Variants in CNOT6L observed in about 807,000 individuals in gnomAD.
CNOT6L encodes the protein CCR4-NOT transcription complex subunit 6-like.
A neutral mutation model predicts 64.0 loss-of-function variants in CNOT6L; 7 were observed. The ratio of observed to expected loss-of-function variants is 0.11; its 90% CI spans 0.06 to 0.21. CNOT6L has a LOEUF of 0.21. CNOT6L is among the 10% of genes least tolerant of loss of function. The probability of loss-of-function intolerance (pLI) is 1.00; values close to 1 mark genes in which losing one functional copy is unlikely to be tolerated. For synonymous variants in CNOT6L, 193 were observed against 243.4 expected (o/e 0.79, Z 1.93); for missense variants, 245 against 669.0 (o/e 0.37, Z 6.99).
intron 1 of CNOT6L, among the ~76,000 whole-genome samples, chr4:77,818,701 G>A (rs1027363861): frequency 2.0e-5 from 3 of 152,150 alleles, no homozygotes; most frequent in South Asian, 4.1e-4. Context: ...GACGGCAATC[G>A]GCGAGTCCCG....
At chr4:77,724,892 C>T (rs913541527) in intron 11 of CNOT6L, among the ~76,000 whole-genome samples, 8 of 151,966 alleles carry the variant, frequency 5.3e-5, no homozygotes, top group Non-Finnish European at 7.4e-5. Flanking sequence ...GTGCTAGAGT[C>T]AGCTAGTGCT....
chr4:77,811,310 G>A lies in CNOT6L; in HGVS notation c.5+7994C>T, dbSNP rs112364111. Among the ~76,000 whole-genome samples, 267 of 152,276 alleles carry A rather than the reference G, an allele frequency of 1.8e-3. 2 individuals carry two copies. Among genetic ancestry groups the A allele is most frequent in the African/African-American group, 5.3e-3 (222 of 41,548 alleles). On this transcript the variant is annotated intron_variant, in intron 1 of 11. Transcript: ENST00000504123. ...CACACCTGTAATCCCAGCACTTTGGGCAGCTGAGGCGGGCAGATCACAAGG... is the reference window on the plus strand; with the variant it reads ...CACACCTGTAATCCCAGCACTTTGGACAGCTGAGGCGGGCAGATCACAAGG...
chr4:77,801,808 G>C (rs1339841746), intron 1 of CNOT6L, among the ~76,000 whole-genome samples: 1 of 151,656 alleles, frequency 6.6e-6, no homozygotes, highest in Non-Finnish European at 1.5e-5. Context: ...AGGACTGCTT[G>C]AAGTCAGGAG....
intron 8 of CNOT6L, chr4:77,731,796 T>C: frequency 3.1e-6 from 1 of 317,828 alleles, no homozygotes; most frequent in South Asian, 1.2e-4. Flanking sequence ...GGAGAAATAA[T>C]AACCATCTTG....
chr4:77,755,437 G>A (rs1191803478), intron 5 of CNOT6L, among the ~76,000 whole-genome samples: 2 of 151,712 alleles, frequency 1.3e-5, no homozygotes, highest in African/African-American at 2.4e-5. Flanking sequence ...AGATTGTCTC[G>A]ATCTCTTGAC....
chr4:77,809,001 T>C (rs929104853), intron 1 of CNOT6L, among the ~76,000 whole-genome samples: 4 of 152,216 alleles, frequency 2.6e-5, no homozygotes, highest in Non-Finnish European at 4.4e-5. Context: ...TATTGTTTTT[T>C]AGTTTGGTTT....
chr4:77,784,793 C>T (rs1729255750), intron 1 of CNOT6L, among the ~76,000 whole-genome samples: 1 of 152,070 alleles, frequency 6.6e-6, no homozygotes, highest in African/African-American at 2.4e-5. Context: ...CTTCTTTCCA[C>T]TTTTTTGATT....
chr4:77,723,672 C>T (rs1473941619), intron 11 of CNOT6L, among the ~76,000 whole-genome samples: 2 of 152,130 alleles, frequency 1.3e-5, no homozygotes, highest in Non-Finnish European at 2.9e-5. Flanking sequence ...TTTATCTTCC[C>T]ATATATTACT....
chr4:77,771,239 G>T (rs1262613859), intron 4 of CNOT6L, among the ~76,000 whole-genome samples: 3 of 152,180 alleles, frequency 2.0e-5, no homozygotes, highest in Non-Finnish European at 2.9e-5. Context: ...CTTGAACCTG[G>T]GAGGCGGAGG....
intron 1 of CNOT6L, among the ~76,000 whole-genome samples, chr4:77,795,021 C>CT (rs35837302): frequency 0.5 from 66,448 of 131,932 alleles, 17,073 homozygotes; most frequent in Non-Finnish European, 0.55. Context: ...AGAAATTTTT[C>CT]TTTTTTTTTT....
upstream of CNOT6L, chr4:77,819,421 A>G: frequency 1.9e-6 from 3 of 1,594,916 alleles, no homozygotes; most frequent in South Asian, 2.2e-5. Context: ...TCCCCTCCAG[A>G]GCCGCGGCCG....
intron 1 of CNOT6L, among the ~76,000 whole-genome samples, chr4:77,786,359 T>A (rs1319562635): frequency 1.3e-5 from 2 of 151,828 alleles, no homozygotes; most frequent in East Asian, 3.9e-4. Flanking sequence ...ACACCTGTAA[T>A]CCCAGCACTT....
chr4:77,768,474 A>AATATATATATATATAT (rs1193284066), intron 4 of CNOT6L, among the ~76,000 whole-genome samples: 53 of 12,948 alleles, frequency 4.1e-3, no homozygotes, highest in African/African-American at 6.9e-3. Flanking sequence ...AAAATAAATA[A>AATATATATATATATAT]ATATATATAT....
chr4:77,721,001 T>G (rs561833932), intron 11 of CNOT6L, among the ~76,000 whole-genome samples: 103 of 152,314 alleles, frequency 6.8e-4, no homozygotes, highest in African/African-American at 2.4e-3. Context: ...TTGGCTATAA[T>G]AAGTAGAAAA....
intron 1 of CNOT6L, among the ~76,000 whole-genome samples, chr4:77,778,479 C>T (rs115659744): frequency 0.035 from 5,264 of 151,894 alleles, 157 homozygotes; most frequent in South Asian, 0.085. Flanking sequence ...GATCTCGACT[C>T]ACTGCAACCT....
chr4:77,763,121 G>GA (rs1281082555), intron 4 of CNOT6L, among the ~76,000 whole-genome samples: 1 of 152,046 alleles, frequency 6.6e-6, no homozygotes, highest in South Asian at 2.1e-4. Flanking sequence ...CGAGGAAGCA[G>GA]AAAAAAATTA....
intron 4 of CNOT6L, among the ~76,000 whole-genome samples, chr4:77,762,084 T>G (rs1726304719): frequency 6.6e-6 from 1 of 152,284 alleles, no homozygotes; most frequent in East Asian, 1.9e-4. Context: ...AAAGAAGATC[T>G]GTGTAAATGA....
chr4:77,726,015 C>A lies in CNOT6L; in HGVS notation c.1455+152G>T. 7.5e-6 allele frequency: 5 copies of A among 663,156 alleles called. No individual in the cohort carries two copies. In the South Asian group the frequency reaches 7.6e-5, roughly 10 times the overall value. The allele number at this position is 663,156 out of a possible 1,614,324, so 41.1% of individuals were successfully genotyped here. On this transcript the variant is annotated intron_variant, in intron 11 of 11. Transcript: ENST00000504123. ...ACAATAGCCACAAAACCCAATAAAC[C>A]TACTTATATTTAGGTGCATACTTAG... is the stretch of plus-strand genomic sequence containing the variant.
At chr4:77,782,441 TC>T (rs1728965603) in intron 1 of CNOT6L, among the ~76,000 whole-genome samples, 1 of 151,990 alleles carries the variant, frequency 6.6e-6, no homozygotes, top group South Asian at 2.1e-4. Context: ...GAAGTGGTCC[TC>T]CCTCCTCAGA....
Sources: gnomAD v4.1 joint callset for allele counts (sites outside exome capture counted in the v4.1 genomes callset) on GRCh38, gnomAD v4.1.1 for gene constraint, MANE v1.5 for transcripts, NCBI Gene and HGNC (gene_info 2026-07-23, HGNC 2026-07-21) for gene names.